The following AP3S1 variants were observed in gnomAD, a reference collection of about 807,000 sequenced individuals.
AP3S1 encodes the protein AP-3 complex subunit sigma-1.
Under a neutral mutation model 21.3 loss-of-function variants are expected in AP3S1, and 12 were observed. The ratio of observed to expected loss-of-function variants is 0.56; its 90% CI spans 0.36 to 0.91. The LOEUF is 0.91. Ranked by LOEUF, AP3S1 falls within the 40% of genes least tolerant of loss-of-function variation. The pLI is 0.01. For synonymous variants in AP3S1, 48 were observed against 78.4 expected (o/e 0.61, Z 2.05); for missense variants, 116 against 225.0 (o/e 0.52, Z 3.10).
At chr5:115,908,736 A>T (rs1418255872) in intron 5 of AP3S1, among the ~76,000 whole-genome samples, 1 of 152,190 alleles carries the variant, frequency 6.6e-6, no homozygotes, top group East Asian at 1.9e-4. Flanking sequence ...GAGAATTGTC[A>T]TGAGCTTATC....
At chr5:115,900,304 T>C (rs1386912121) in intron 4 of AP3S1, among the ~76,000 whole-genome samples, 2 of 152,208 alleles carry the variant, frequency 1.3e-5, no homozygotes, top group East Asian at 1.9e-4. Flanking sequence ...ATTTTTAATA[T>C]ATTTGATTTG....
At chr5:115,912,166 A>G in intron 5 of AP3S1, 1 of 151,896 alleles carries the variant, frequency 6.6e-6, no homozygotes, top group East Asian at 1.9e-4. Context: ...TTTTATTTTA[A>G]TTAACAAAGG....
In AP3S1 at chr5:115,854,885, A is replaced by G. The variant is rs1039043376; in HGVS notation, c.70-11785A>G. ...GATGACAGTCTTGCTGCTCAAAATCATTGTTCCTCTTGACTTCTTACAGTA... is the reference window on the plus strand; with the variant it reads ...GATGACAGTCTTGCTGCTCAAAATCGTTGTTCCTCTTGACTTCTTACAGTA... On this transcript the variant is annotated intron_variant, in intron 1 of 5. Coordinates refer to ENST00000316788, the MANE Select transcript of AP3S1 (RefSeq NM_001284.4). 6.6e-5 allele frequency among the ~76,000 whole-genome samples: 10 copies of G among 152,048 alleles called. No individual in the cohort carries two copies. The East Asian group carries it at 1.9e-3, about 29-fold the overall frequency.
chr5:115,891,736 A>T (rs567634399), intron 3 of AP3S1, among the ~76,000 whole-genome samples: 23 of 152,164 alleles, frequency 1.5e-4, no homozygotes, highest in African/African-American at 5.5e-4. Flanking sequence ...CCAGAATGAT[A>T]GATCCACTGA....
intron 5 of AP3S1, among the ~76,000 whole-genome samples, chr5:115,908,420 AT>A (rs1256548447): frequency 1.3e-5 from 2 of 152,154 alleles, no homozygotes; most frequent in Admixed American, 6.5e-5. Flanking sequence ...TAAGGTACTG[AT>A]GGTGGAAGGT....
At chr5:115,882,148 C>T (rs1237824500) in intron 3 of AP3S1, among the ~76,000 whole-genome samples, 1 of 151,952 alleles carries the variant, frequency 6.6e-6, no homozygotes, top group East Asian at 1.9e-4. Flanking sequence ...TTAGAACATG[C>T]TCCTTTAGCT....
At chr5:115,910,887 G>C (rs568823588) in intron 5 of AP3S1, among the ~76,000 whole-genome samples, 1 of 152,026 alleles carries the variant, frequency 6.6e-6, no homozygotes, top group African/African-American at 2.4e-5. Flanking sequence ...TTAAATTCAT[G>C]GCATACTACA....
At chr5:115,896,912 C>T (rs549498721) in intron 4 of AP3S1, among the ~76,000 whole-genome samples, 57 of 152,232 alleles carry the variant, frequency 3.7e-4, no homozygotes, top group African/African-American at 1.3e-3. Context: ...TGAGGACTCT[C>T]TTGTGAAATG....
At chr5:115,845,817 A>G (rs1762013750) in intron 1 of AP3S1, among the ~76,000 whole-genome samples, 1 of 123,900 alleles carries the variant, frequency 8.1e-6, no homozygotes, top group African/African-American at 3.0e-5. Context: ...AGCCTGGGTG[A>G]CAGAGTGAGA....
intron 3 of AP3S1, among the ~76,000 whole-genome samples, chr5:115,872,200 C>T (rs1414286552): frequency 6.6e-6 from 1 of 151,940 alleles, no homozygotes; most frequent in Non-Finnish European, 1.5e-5. Context: ...GAGGCTGAGG[C>T]GGGAGCCAGG....
Position 115,863,918 on chromosome 5 carries a change from TC to T in AP3S1, c.70-2749del, listed in dbSNP as rs367583847. Among the ~76,000 whole-genome samples the T allele has an allele frequency of 2.8e-3, 422 of 152,282 alleles. 2 individuals carry two copies. The highest frequency in any genetic ancestry group is 9.7e-3 in the African/African-American group (404 of 41,560). On this transcript the variant is annotated intron_variant, in intron 1 of 5. Coordinates refer to ENST00000316788, the MANE Select transcript of AP3S1 (RefSeq NM_001284.4). ...GCTGACCAAGAGGTAGCAGACGAGT[TC>T]CCAGGCACCATTAAGAAAACCATTG...
At chr5:115,905,701 A>G (rs1273437577) in intron 5 of AP3S1, among the ~76,000 whole-genome samples, 2 of 152,196 alleles carry the variant, frequency 1.3e-5, no homozygotes, top group Admixed American at 6.5e-5. Flanking sequence ...CTAGAATGTC[A>G]AAAGCTTTCA....
chr5:115,891,674 C>G (rs1232404715), intron 3 of AP3S1, among the ~76,000 whole-genome samples: 1 of 152,170 alleles, frequency 6.6e-6, no homozygotes, highest in Non-Finnish European at 1.5e-5. Flanking sequence ...AGAGTCCGTA[C>G]TGGGGCACTG....
chr5:115,867,895 T>G (rs1268901276), intron 2 of AP3S1, among the ~76,000 whole-genome samples: 1 of 152,164 alleles, frequency 6.6e-6, no homozygotes, highest in African/African-American at 2.4e-5. Flanking sequence ...GGCTGGAAAT[T>G]GTGATTGTTC....
chr5:115,906,335 T>C (rs191256239), intron 5 of AP3S1, among the ~76,000 whole-genome samples: 2 of 152,328 alleles, frequency 1.3e-5, no homozygotes, highest in East Asian at 3.9e-4. Flanking sequence ...CATGCATTTA[T>C]CTAGGGGCCT....
Position 115,866,645 on chromosome 5 carries a change from ATATATATGAAT to A in AP3S1, c.70-21_70-11del. 6.7e-7 allele frequency: 1 copy of A among 1,501,386 alleles called. No homozygotes were observed. Among genetic ancestry groups the A allele is most frequent in the Non-Finnish European group, 9.2e-7 (1 of 1,092,576 alleles). 93.0% of individuals were successfully genotyped at this position (1,501,386 alleles called of 1,614,324 possible). Reference sequence around the variant, plus strand: ...TATTAAACCTATACACTCCATCCTAATATATATGAATTATTCTTCCTCAGAGTGAAGATACA... The same window carrying A: ...TATTAAACCTATACACTCCATCCTAATATTCTTCCTCAGAGTGAAGATACA... On this transcript the variant is annotated splice_polypyrimidine_tract_variant and intron_variant, in intron 1 of 5. Transcript: ENST00000316788.
At position 115,906,056 on chromosome 5, in the gene AP3S1, C is replaced by A. The variant is rs1025903346; in HGVS notation, c.453+3064C>A. 3.9e-5 allele frequency among the ~76,000 whole-genome samples: 6 copies of A among 152,132 alleles called. No individual in the cohort carries two copies. The East Asian group carries it at 1.2e-3, about 29-fold the overall frequency. On this transcript the variant is annotated intron_variant, in intron 5 of 5. Transcript: ENST00000316788. The stretch of plus-strand genomic sequence containing the variant: ...GCCTGTAATCCTAGTTGCTCTGGAG[C>A]CTGACGCGCAAGAATCGCCCGATTC...
rs544242638 is a variant in AP3S1 at position 115,879,838 on chromosome 5, C to CT, written c.273+9717dup. Among the ~76,000 whole-genome samples, 608 of 152,056 alleles carry CT rather than the reference C, an allele frequency of 4.0e-3. 1 individual carries two copies. Among genetic ancestry groups the CT allele is most frequent in the African/African-American group, 0.014 (578 of 41,458 alleles). On this transcript the variant is annotated intron_variant, in intron 3 of 5. Transcript: ENST00000316788. The stretch of plus-strand genomic sequence containing the variant: ...GGCTGTCAACCTGTCTGGTCCTGGG[C>CT]TTTTTTTGGTTGTTAGGCTATTAAT...
rs556693878 is a variant in AP3S1 at position 115,882,659 on chromosome 5, A to C, written c.274-12428A>C. Among the ~76,000 whole-genome samples, 22 of 152,178 alleles carry C rather than the reference A, an allele frequency of 1.4e-4. No individual in the cohort carries two copies. In the East Asian group the frequency reaches 3.1e-3, roughly 22 times the overall value. On this transcript the variant is annotated intron_variant, in intron 3 of 5. Coordinates refer to ENST00000316788, the MANE Select transcript of AP3S1 (RefSeq NM_001284.4). ...TGACCCGTGCTGGGAGGTGTCTCCCAGTTAGGAGGCACGGGGGTCAGGGAC... is the reference window on the plus strand; with the variant it reads ...TGACCCGTGCTGGGAGGTGTCTCCCCGTTAGGAGGCACGGGGGTCAGGGAC...
Sources: allele counts gnomAD v4.1 joint callset (sites outside exome capture counted in the v4.1 genomes callset), GRCh38; gene constraint gnomAD v4.1.1; transcripts MANE v1.5; gene names NCBI Gene and HGNC (gene_info 2026-07-23, HGNC 2026-07-21).